The following RALYL variants were observed in gnomAD, a reference collection of about 807,000 sequenced individuals.
The protein encoded by RALYL is RNA-binding Raly-like protein.
RALYL carries 29 observed loss-of-function variants against 35.1 expected under a neutral mutation model. That is an observed-to-expected ratio of 0.83 (90% CI 0.61 to 1.13). The LOEUF (loss-of-function observed/expected upper bound fraction) is 1.13, where lower values mean the gene tolerates loss of function less well. RALYL is among the 50% of genes most tolerant of loss of function. RALYL has a pLI of 0.00. For synonymous variants in RALYL, 120 were observed against 127.6 expected (o/e 0.94, Z 0.40); for missense variants, 359 against 360.4 (o/e 1.00, Z 0.03).
chr8:84,232,552 A>G (rs1038004634), intron 1 of RALYL, among the ~76,000 whole-genome samples: 1 of 152,172 alleles, frequency 6.6e-6, no homozygotes, highest in African/African-American at 2.4e-5. Flanking sequence ...ATAACAATAT[A>G]TTATATTCTT....
intron 1 of RALYL, among the ~76,000 whole-genome samples, chr8:84,527,398 G>A (rs978164034): frequency 6.6e-6 from 1 of 152,192 alleles, no homozygotes; most frequent in African/African-American, 2.4e-5. Context: ...CCACAGGTCT[G>A]ATCTAATCTA....
intron 1 of RALYL, among the ~76,000 whole-genome samples, chr8:84,283,693 C>A (rs1300802066): frequency 6.6e-6 from 1 of 151,970 alleles, no homozygotes; most frequent in Admixed American, 6.6e-5. Flanking sequence ...TTATTTGCAC[C>A]CAAAATAATC....
At chr8:84,291,835 T>A (rs971168017) in intron 1 of RALYL, among the ~76,000 whole-genome samples, 4 of 151,376 alleles carry the variant, frequency 2.6e-5, no homozygotes, top group African/African-American at 9.7e-5. Context: ...TCTGATAAAC[T>A]GTTAGTGAAG....
At chr8:84,220,516 A>T (rs1821939731) in intron 1 of RALYL, among the ~76,000 whole-genome samples, 2 of 150,884 alleles carry the variant, frequency 1.3e-5, no homozygotes, top group South Asian at 4.1e-4. Flanking sequence ...GGTTTTAAAT[A>T]CTTTTATTGA....
At chr8:84,842,220 G>A (rs1833559670) in intron 4 of RALYL, among the ~76,000 whole-genome samples, 2 of 152,106 alleles carry the variant, frequency 1.3e-5, no homozygotes. Context: ...TAGACTGCTA[G>A]CAAGACTAAT....
chr8:84,432,578 G>T (rs1396844884), intron 1 of RALYL, among the ~76,000 whole-genome samples: 1 of 152,066 alleles, frequency 6.6e-6, no homozygotes, highest in Non-Finnish European at 1.5e-5. Flanking sequence ...ATGATATGTT[G>T]CAGCACTAAC....
intron 1 of RALYL, among the ~76,000 whole-genome samples, chr8:84,457,677 G>T (rs1313719832): frequency 6.6e-6 from 1 of 151,654 alleles, no homozygotes; most frequent in Non-Finnish European, 1.5e-5. Flanking sequence ...TATTAATCCT[G>T]TTGATTACAT....
chr8:84,669,106 G>T (rs1832675328), intron 2 of RALYL, among the ~76,000 whole-genome samples: 1 of 152,062 alleles, frequency 6.6e-6, no homozygotes, highest in Non-Finnish European at 1.5e-5. Flanking sequence ...CCTTTGAAAT[G>T]GTGTAATACA....
intron 1 of RALYL, among the ~76,000 whole-genome samples, chr8:84,376,216 G>C (rs1422402150): frequency 1.3e-5 from 2 of 151,780 alleles, no homozygotes; most frequent in African/African-American, 4.8e-5. Flanking sequence ...GAAAAAATTT[G>C]AACTAAGGCT....
chr8:84,656,133 GA>G (rs1458996902), intron 2 of RALYL, among the ~76,000 whole-genome samples: 1 of 152,104 alleles, frequency 6.6e-6, no homozygotes, highest in Non-Finnish European at 1.5e-5. Flanking sequence ...TTATATGCAA[GA>G]GGACATATTT....
At chr8:84,190,318 C>A (rs1194767299) in intron 1 of RALYL, among the ~76,000 whole-genome samples, 6 of 152,126 alleles carry the variant, frequency 3.9e-5, no homozygotes, top group African/African-American at 1.4e-4. Context: ...TAACATAAAA[C>A]ACATATAAGT....
At chr8:84,508,801 T>C (rs1182198974) in intron 1 of RALYL, among the ~76,000 whole-genome samples, 5 of 152,020 alleles carry the variant, frequency 3.3e-5, no homozygotes, top group Admixed American at 3.3e-4. Flanking sequence ...CTCAGACTTC[T>C]GCTATTCCCC....
intron 1 of RALYL, among the ~76,000 whole-genome samples, chr8:84,334,439 A>G (rs1377274354): frequency 2.6e-5 from 4 of 151,708 alleles, no homozygotes; most frequent in Non-Finnish European, 5.9e-5. Context: ...GTTCTTTTAT[A>G]CATAAATGCT....
At chr8:84,909,244 T>C (rs1211145197) in intron 8 of RALYL, among the ~76,000 whole-genome samples, 1 of 152,164 alleles carries the variant, frequency 6.6e-6, no homozygotes, top group Non-Finnish European at 1.5e-5. Context: ...TTTGTTTCTA[T>C]AGAGCAAGTT....
chr8:84,727,784 C>T (rs1845282466), intron 2 of RALYL, among the ~76,000 whole-genome samples: 1 of 151,954 alleles, frequency 6.6e-6, no homozygotes, highest in African/African-American at 2.4e-5. Flanking sequence ...TCATCCATGT[C>T]CCTACAAAGG....
intron 2 of RALYL, among the ~76,000 whole-genome samples, chr8:84,712,900 T>G (rs1359580361): frequency 6.6e-6 from 1 of 152,168 alleles, no homozygotes; most frequent in Non-Finnish European, 1.5e-5. Context: ...AACATTTTCT[T>G]CCATTCCATG....
intron 1 of RALYL, among the ~76,000 whole-genome samples, chr8:84,223,920 G>T (rs1017441626): frequency 2.0e-5 from 3 of 152,152 alleles, no homozygotes; most frequent in Non-Finnish European, 4.4e-5. Context: ...AAAGGAATCA[G>T]ATACCCAACA....
At chr8:84,694,020 T>C (rs565822454) in intron 2 of RALYL, among the ~76,000 whole-genome samples, 1 of 151,944 alleles carries the variant, frequency 6.6e-6, no homozygotes, top group African/African-American at 2.4e-5. Flanking sequence ...ATTTAACCAA[T>C]GGTGGAAAGT....
rs567946374 is a variant in RALYL, at chr8:84,522,471, G to A, written c.-23-6828G>A. Among the ~76,000 whole-genome samples the A allele has an allele frequency of 2.5e-4, 38 of 151,770 alleles. 3 individuals are homozygous for A. The South Asian group carries it at 4.0e-3, about 16-fold the overall frequency. Reference sequence around the variant, plus strand: ...TCACCGTTTTAGCCGGGATAGTCTCGATCTCCTGACCTCGTGATCCGCCCG... The same window carrying A: ...TCACCGTTTTAGCCGGGATAGTCTCAATCTCCTGACCTCGTGATCCGCCCG... On this transcript the variant is annotated intron_variant, in intron 1 of 8. Transcript: ENST00000521268.
Sources: gnomAD v4.1 joint callset for allele counts (sites outside exome capture counted in the v4.1 genomes callset) on GRCh38, gnomAD v4.1.1 for gene constraint, MANE v1.5 for transcripts, NCBI Gene and HGNC (gene_info 2026-07-23, HGNC 2026-07-21) for gene names.